Variants in CEACAM4 observed in about 807,000 individuals in gnomAD.
CEACAM4 encodes cell adhesion molecule CEACAM4.
CEACAM4 carries 30 observed loss-of-function variants against 28.7 expected under a neutral mutation model. That is an observed-to-expected ratio of 1.05 (90% CI 0.78 to 1.42). CEACAM4 has a LOEUF of 1.42. CEACAM4 is among the 40% of genes most tolerant of loss of function. The probability of loss-of-function intolerance (pLI) is 0.00; values close to 1 mark genes in which losing one functional copy is unlikely to be tolerated. For missense variants in CEACAM4, 330 were observed against 308.2 expected, an observed-to-expected ratio of 1.07 and a Z score of -0.53; for synonymous variants, 143 against 126.5, an observed-to-expected ratio of 1.13 and a Z score of -0.87.
chr19:41,614,985 G>A (rs904912431), downstream of CEACAM4, among the ~76,000 whole-genome samples: 16 of 151,720 alleles, frequency 1.1e-4, no homozygotes, highest in Admixed American at 3.3e-4. Flanking sequence ...AAGGGGAAGG[G>A]GAAGGGAAAG....
At chr19:41,619,491 G>A (rs560497488) in intron 6 of CEACAM4, 96 bp from the exon 7 acceptor site, 4 of 1,575,978 alleles carry the variant, frequency 2.5e-6, no homozygotes, top group African/African-American at 2.7e-5. Flanking sequence ...CTTCTCTGGG[G>A]CTGAACCTGG....
intron 3 of CEACAM4, among the ~76,000 whole-genome samples, chr19:41,621,126 C>T (rs1351538008): frequency 6.6e-6 from 1 of 152,076 alleles, no homozygotes; most frequent in Non-Finnish European, 1.5e-5. Context: ...CTCTCTCCAC[C>T]CCTTGGCAAG....
chr19:41,622,724 C>T (rs1368423907), intron 2 of CEACAM4, among the ~76,000 whole-genome samples: 1 of 152,134 alleles, frequency 6.6e-6, no homozygotes, highest in Non-Finnish European at 1.5e-5. Context: ...TAGTTGATAG[C>T]ATCAGTTGAG....
Position 41,625,601 on chromosome 19 carries a change from G to C in CEACAM4, c.424C>G (p.Gln142Glu), listed in dbSNP as rs199937487. The change falls in exon 2 of 7, where the codon CAA (glutamine) becomes GAA (glutamate). Residue 142 changes from glutamine to glutamate, a missense_variant and splice_region_variant. Coordinates refer to ENST00000221954, the MANE Select transcript of CEACAM4 (RefSeq NM_001817.4). ...DQATGQLHVH[Q>E]NNVPGLPVGA... Reference sequence around the variant, plus strand: ...CCAGAGGTATGGGGGAATCACTCACGGTGTACGTGGAGCTGGCCAGTTGCT... The same window carrying C: ...CCAGAGGTATGGGGGAATCACTCACCGTGTACGTGGAGCTGGCCAGTTGCT... The C allele has an allele frequency of 6.4e-7, 1 of 1,565,158 alleles. No homozygotes were observed. The highest frequency in any genetic ancestry group is 8.7e-7 in the Non-Finnish European group (1 of 1,154,114).
At position 41,627,039 on chromosome 19, in the gene CEACAM4, G is replaced by A; in HGVS notation, c.-76C>T. The A allele has an allele frequency of 7.6e-7, 1 of 1,311,950 alleles. No homozygotes were observed. The highest frequency in any genetic ancestry group is 2.6e-5 in the East Asian group (1 of 37,820). The allele number at this position is 1,311,950 out of a possible 1,614,324, so 81.3% of individuals were successfully genotyped here. ...CGCTCTTGTCAGAGCTGCTGTGACT[G>A]TCGGCTGTCGGGGCTGCTGACCTTC... On this transcript the variant is annotated 5_prime_UTR_variant, in exon 1 of 7. Transcript: ENST00000221954.
At position 41,625,677 on chromosome 19, in the gene CEACAM4, G is replaced by A. The variant is rs199959927; in HGVS notation, c.348C>T (p.Asp116=). Residue 116 remains aspartate, a synonymous_variant, in exon 2 of 7, where the codon GAC becomes GAT. Coordinates refer to ENST00000221954, the MANE Select transcript of CEACAM4 (RefSeq NM_001817.4). ...SLLFQNITLE[D]AGSYTLRTIN... The stretch of plus-strand genomic sequence containing the variant: ...TGGTTCGTAGGGTGTAGGATCCTGC[G>A]TCCTCCAGGGTGATGTTTTGGAACA... The A allele has an allele frequency of 9.5e-5, 153 of 1,613,364 alleles. 1 individual carries two copies. The highest frequency in any genetic ancestry group is 6.7e-4 in the African/African-American group (50 of 74,996).
chr19:41,625,233 G>A (rs1364839732), intron 2 of CEACAM4, among the ~76,000 whole-genome samples: 2 of 152,230 alleles, frequency 1.3e-5, no homozygotes, highest in Non-Finnish European at 2.9e-5. Context: ...GTCACACGGA[G>A]TCAGGAGTCC....
At chr19:41,622,314 A>C (rs1555801880) in intron 2 of CEACAM4, among the ~76,000 whole-genome samples, 1 of 151,900 alleles carries the variant, frequency 6.6e-6, no homozygotes, top group African/African-American at 2.4e-5. Flanking sequence ...CTGACCTCAG[A>C]TGATCTGCCC....
intron 2 of CEACAM4, among the ~76,000 whole-genome samples, chr19:41,622,853 T>TATATATATAG (rs201784352): frequency 2.0e-4 from 27 of 132,244 alleles, no homozygotes; most frequent in African/African-American, 8.1e-4. Context: ...TATACATATA[T>TATATATATAG]ATAGATAGAT....
At chr19:41,624,440 C>T (rs1394873167) in intron 2 of CEACAM4, among the ~76,000 whole-genome samples, 1 of 152,140 alleles carries the variant, frequency 6.6e-6, no homozygotes, top group African/African-American at 2.4e-5. Flanking sequence ...TGGACCTGAG[C>T]GAGGAGGCCT....
At chr19:41,617,925 C>T (rs918915575), downstream of CEACAM4, among the ~76,000 whole-genome samples, 1 of 150,238 alleles carries the variant, frequency 6.7e-6, no homozygotes, top group Non-Finnish European at 1.5e-5. Flanking sequence ...TCATTTAGAG[C>T]TAAATCCTGA....
At chr19:41,624,718 T>C (rs2071526735) in intron 2 of CEACAM4, among the ~76,000 whole-genome samples, 1 of 152,216 alleles carries the variant, frequency 6.6e-6, no homozygotes, top group African/African-American at 2.4e-5. Flanking sequence ...GGCCGGTGTC[T>C]GTATCTCTCT....
chr19:41,623,419 A>ATTTTTTTTT (rs57004828), intron 2 of CEACAM4, among the ~76,000 whole-genome samples: 4 of 105,064 alleles, frequency 3.8e-5, no homozygotes, highest in Non-Finnish European at 5.9e-5. Context: ...TTCGAACTGC[A>ATTTTTTTTT]TTTTTTTTTT....
chr19:41,620,303 G>T, intron 4 of CEACAM4, 61 bp from the exon 5 acceptor site: 1 of 1,355,296 alleles, frequency 7.4e-7, no homozygotes, highest in Non-Finnish European at 9.7e-7. Context: ...CCTCCTGCAG[G>T]AGAGTGTAGG....
chr19:41,614,741 A>C (rs1555798614), downstream of CEACAM4, among the ~76,000 whole-genome samples: 1 of 152,186 alleles, frequency 6.6e-6, no homozygotes. Flanking sequence ...TAACCCCTGC[A>C]AAATCTGTGA....
At chr19:41,621,054 C>A (rs2071255341) in intron 3 of CEACAM4, among the ~76,000 whole-genome samples, 1 of 152,078 alleles carries the variant, frequency 6.6e-6, no homozygotes, top group Admixed American at 6.5e-5. Flanking sequence ...AGTATCCCTG[C>A]CATGGCCAGA....
chr19:41,617,901 G>T (rs1438787718), downstream of CEACAM4, among the ~76,000 whole-genome samples: 2 of 149,294 alleles, frequency 1.3e-5, no homozygotes, highest in Non-Finnish European at 3.0e-5. Flanking sequence ...GCTGTGTGCA[G>T]GTGGGATCAG....
chr19:41,620,242 C>T lies in CEACAM4; in HGVS notation c.596G>A (p.Gly199Asp). Residue 199 changes from glycine to aspartate, a missense_variant and splice_region_variant, in exon 5 of 7, where the codon GGC (glycine) becomes GAC (aspartate). Physicochemically the swap from Gly to Asp is moderately conservative, Grantham distance 94. Transcript: ENST00000221954. ...GGTGGATCTGTGAGAGGGACCATGG[C>T]CTGGGGACAGAGACAGGAGTGAGCA... ...REQPPPASTP[G>D]HGPSHRSTFS... The T allele has an allele frequency of 3.4e-6, 5 of 1,478,584 alleles. No individual in the cohort carries two copies. The highest frequency in any genetic ancestry group is 3.6e-6 in the Non-Finnish European group (4 of 1,119,328). The allele number at this position is 1,478,584 out of a possible 1,614,324, so 91.6% of individuals were successfully genotyped here.
intron 3 of CEACAM4, 95 bp downstream of exon 3, chr19:41,621,556 C>A: frequency 1.5e-6 from 1 of 657,390 alleles, no homozygotes; most frequent in Non-Finnish European, 2.8e-6. Flanking sequence ...TGGGAGGATG[C>A]GGAAAGCCTG....
Sources: allele counts gnomAD v4.1 joint callset (sites outside exome capture counted in the v4.1 genomes callset), GRCh38; gene constraint gnomAD v4.1.1; transcripts MANE v1.5; gene names NCBI Gene and HGNC (gene_info 2026-07-23, HGNC 2026-07-21).